Variants in MAPKAPK5 observed in about 807,000 individuals in gnomAD.
The protein encoded by MAPKAPK5 is MAPK activated protein kinase 5, also known as MAP kinase-activated protein kinase 5.
Under a neutral mutation model 65.1 loss-of-function variants are expected in MAPKAPK5, and 30 were observed. That is an observed-to-expected ratio of 0.46 (90% CI 0.34 to 0.63). The LOEUF is 0.63. Among genes scored for constraint, MAPKAPK5 ranks in the 20% least tolerant of loss-of-function variants. The pLI, the probability that MAPKAPK5 is intolerant of heterozygous loss-of-function variation, is 0.01. For missense variants in MAPKAPK5, 433 were observed against 581.4 expected, an observed-to-expected ratio of 0.74 and a Z score of 2.63; for synonymous variants, 179 against 204.6, an observed-to-expected ratio of 0.87 and a Z score of 1.07.
intron 13 of MAPKAPK5, among the ~76,000 whole-genome samples, chr12:111,891,819 A>AG (rs1555275572): frequency 4.6e-5 from 7 of 151,068 alleles, no homozygotes; most frequent in South Asian, 4.2e-4. Context: ...AAAAAAAAAA[A>AG]GGGAAAAAAA....
At chr12:111,892,506 G>T (rs1032863201) in intron 13 of MAPKAPK5, among the ~76,000 whole-genome samples, 2 of 152,092 alleles carry the variant, frequency 1.3e-5, no homozygotes, top group African/African-American at 4.8e-5. Context: ...TTGCAATGTG[G>T]TTTTAGTTTG....
At chr12:111,863,182 C>G (rs1014060123) in intron 1 of MAPKAPK5, among the ~76,000 whole-genome samples, 1 of 152,204 alleles carries the variant, frequency 6.6e-6, no homozygotes, top group Non-Finnish European at 1.5e-5. Flanking sequence ...GTGCCCATAA[C>G]TCACTGTGTG....
chr12:111,850,784 A>G (rs2069054361), intron 1 of MAPKAPK5, among the ~76,000 whole-genome samples: 1 of 152,224 alleles, frequency 6.6e-6, no homozygotes, highest in South Asian at 2.1e-4. Context: ...GTTTATGATC[A>G]GGACTACCCT....
intron 13 of MAPKAPK5, among the ~76,000 whole-genome samples, chr12:111,890,523 C>A (rs1280876224): frequency 6.6e-6 from 1 of 152,148 alleles, no homozygotes; most frequent in African/African-American, 2.4e-5. Context: ...AAAGTGCCAG[C>A]GAGTCCACCC....
At chr12:111,887,846 C>CACACACACACAT (rs2070461097) in intron 10 of MAPKAPK5, 1 of 141,828 alleles carries the variant, frequency 7.1e-6, no homozygotes, top group South Asian at 2.3e-4. Flanking sequence ...CACACACACA[C>CACACACACACAT]ACACACACAT....
chr12:111,891,319 C>T (rs532896433), intron 13 of MAPKAPK5, among the ~76,000 whole-genome samples: 1 of 150,358 alleles, frequency 6.7e-6, no homozygotes, highest in South Asian at 2.1e-4. Context: ...CCAGGCTCGT[C>T]TCGAACTCCT....
chr12:111,890,222 G>T, intron 13 of MAPKAPK5, 78 bp downstream of exon 13: 1 of 1,089,976 alleles, frequency 9.2e-7, no homozygotes, highest in Admixed American at 2.1e-5. Flanking sequence ...TCTCTTTGGG[G>T]CCTGAGCTGC....
intron 3 of MAPKAPK5, among the ~76,000 whole-genome samples, chr12:111,866,681 C>T (rs555730694): frequency 6.6e-6 from 1 of 152,140 alleles, no homozygotes; most frequent in Non-Finnish European, 1.5e-5. Context: ...GCAATCTCGG[C>T]TTACGGCAAC....
intron 7 of MAPKAPK5, among the ~76,000 whole-genome samples, chr12:111,872,251 A>G (rs115033788): frequency 1.5e-3 from 235 of 152,252 alleles, no homozygotes; most frequent in African/African-American, 5.5e-3. Flanking sequence ...CAGTCATTTC[A>G]CATTTTTACT....
Position 111,868,768 on chromosome 12 carries a change from T to C in MAPKAPK5, c.300T>C (p.Ile100=). The C allele has an allele frequency of 6.4e-7, 1 of 1,561,810 alleles. No individual in the cohort carries two copies. Among genetic ancestry groups the C allele is most frequent in the African/African-American group, 1.4e-5 (1 of 73,264 alleles). ...HESSPRARLL[I]VMEMMEGGEL... is the part of the protein sequence containing the mutation. ...TTTCAAACAGGGCCCGACTCTTAATTGTAATGGAGATGATGGAAGGGGGAG... is the reference window on the plus strand; with the variant it reads ...TTTCAAACAGGGCCCGACTCTTAATCGTAATGGAGATGATGGAAGGGGGAG... Residue 100 remains isoleucine (I), a synonymous_variant, in exon 5 of 14, where the codon ATT becomes ATC. Coordinates refer to ENST00000550735, the MANE Select transcript of MAPKAPK5 (RefSeq NM_003668.4).
At chr12:111,882,373 C>T (rs1002006644) in intron 8 of MAPKAPK5, among the ~76,000 whole-genome samples, 5 of 145,538 alleles carry the variant, frequency 3.4e-5, no homozygotes, top group African/African-American at 1.0e-4. Flanking sequence ...AGTGAGACTC[C>T]GTCTCAAAAA....
At chr12:111,854,243 CTT>C (rs1345112193) in intron 1 of MAPKAPK5, among the ~76,000 whole-genome samples, 2 of 141,850 alleles carry the variant, frequency 1.4e-5, no homozygotes. Context: ...TTTTCTTTTT[CTT>C]TTTTTTTTTT....
At chr12:111,880,408 T>C in intron 7 of MAPKAPK5, 39 bp from the exon 8 acceptor site, 5 of 1,545,582 alleles carry the variant, frequency 3.2e-6, no homozygotes, top group Non-Finnish European at 4.5e-6. Flanking sequence ...GGTGGTGTGA[T>C]TTTCATTAAA....
At position 111,901,491 on chromosome 12, in the gene MAPKAPK5, TTTATAATATTATTATTAAGTA is replaced by T; in HGVS notation, c.*8431_*8451del. 1 of 431,390 alleles carries T rather than the reference TTTATAATATTATTATTAAGTA, an allele frequency of 2.3e-6. No homozygotes were observed. The highest frequency in any genetic ancestry group is 1.7e-5 in the South Asian group (1 of 58,806). The allele number at this position is 431,390 out of a possible 1,614,324, so 26.7% of individuals were successfully genotyped here. A position where few individuals can be genotyped will look rare whatever the true frequency, so the allele number is the denominator to read the frequency against. ...GATGATATTATCATTCATTATACTT[TTTATAATATTATTATTAAGTA>T]CAATTATTTGATCTGCTTGCTTAAA... On this transcript the variant is annotated 3_prime_UTR_variant, in exon 14 of 14. Transcript: ENST00000550735.
Position 111,842,743 on chromosome 12 carries a change from G to T in MAPKAPK5, c.10G>T (p.Glu4Ter). The stretch of plus-strand genomic sequence containing the variant: ...GGGGGCCCCACTGAGTATGTCGGAG[G>T]AGAGCGACATGGACAAAGCCATCAA... The part of the protein sequence containing the change: MSE[E>*]SDMDKAIKET... The change falls in exon 1 of 14, where the codon GAG (glutamate) becomes TAG (stop). Residue 4 changes from glutamate to a stop codon, truncating the protein, a stop_gained. Transcript: ENST00000550735. LOFTEE classifies it high-confidence loss of function. The T allele has an allele frequency of 7.4e-7, 1 of 1,358,794 alleles. No homozygotes were observed. Among genetic ancestry groups the T allele is most frequent in the Non-Finnish European group, 9.5e-7 (1 of 1,049,212 alleles). 84.2% of individuals were successfully genotyped at this position (1,358,794 alleles called of 1,614,324 possible). A position where few individuals can be genotyped will look rare whatever the true frequency, so the allele number is the denominator to read the frequency against.
At chr12:111,861,789 C>A (rs2069446616) in intron 1 of MAPKAPK5, among the ~76,000 whole-genome samples, 1 of 152,144 alleles carries the variant, frequency 6.6e-6, no homozygotes, top group African/African-American at 2.4e-5. Flanking sequence ...TGTTCCAACC[C>A]CTCAACTCTG....
At chr12:111,866,306 C>G (rs970527776) in intron 3 of MAPKAPK5, 75 bp downstream of exon 3, 4 of 1,338,802 alleles carry the variant, frequency 3.0e-6, no homozygotes, top group Non-Finnish European at 1.0e-6. Context: ...AAGGCAGCTT[C>G]CTAGAGAGAA....
chr12:111,893,199 T>C lies in MAPKAPK5; in HGVS notation c.*138T>C, dbSNP rs1490893458. On this transcript the variant is annotated 3_prime_UTR_variant, in exon 14 of 14. Transcript: ENST00000550735. ...GCTGTATAGATTTAGGGTGCAGGAC[T>C]TAATAATAGTATAGTTATTGTTTGT... 1.9e-6 allele frequency: 1 copy of C among 537,744 alleles called. No individual in the cohort carries two copies. The highest frequency in any genetic ancestry group is 3.1e-6 in the Non-Finnish European group (1 of 320,376). 33.3% of individuals were successfully genotyped at this position (537,744 alleles called of 1,614,324 possible).
At chr12:111,864,946 A>T (rs1377566146) in intron 1 of MAPKAPK5, among the ~76,000 whole-genome samples, 1 of 152,236 alleles carries the variant, frequency 6.6e-6, no homozygotes, top group Non-Finnish European at 1.5e-5. Flanking sequence ...TTGAAAGAGT[A>T]TCTTCCTCTC....
Sources: allele counts gnomAD v4.1 joint callset (sites outside exome capture counted in the v4.1 genomes callset), GRCh38; gene constraint gnomAD v4.1.1; transcripts MANE v1.5; gene names NCBI Gene and HGNC (gene_info 2026-07-23, HGNC 2026-07-21).